Variants in METTL23 observed in about 807,000 individuals in gnomAD.
METTL23 encodes histone-arginine methyltransferase METTL23.
METTL23 carries 24 observed loss-of-function variants against 21.2 expected under a neutral mutation model. The ratio of observed to expected loss-of-function variants is 1.13; its 90% CI spans 0.82 to 1.59. The LOEUF is 1.59. METTL23 is among the 40% of genes most tolerant of loss of function. The pLI is 0.00. For missense variants in METTL23, 276 were observed against 221.4 expected, an observed-to-expected ratio of 1.25 and a Z score of -1.57; for synonymous variants, 97 against 75.2, an observed-to-expected ratio of 1.29 and a Z score of -1.50.
upstream of METTL23, among the ~76,000 whole-genome samples, chr17:76,726,109 G>A (rs910349337): frequency 4.6e-5 from 7 of 152,226 alleles, no homozygotes; most frequent in Admixed American, 2.0e-4. Flanking sequence ...TTCTAGTTGA[G>A]AGCGCCACAG....
intron 2 of METTL23, 29 bp downstream of exon 2, chr17:76,729,823 T>G (rs752127896): frequency 1.8e-5 from 27 of 1,516,504 alleles, no homozygotes; most frequent in Non-Finnish European, 2.3e-5. Flanking sequence ...TTTCCAGAGT[T>G]CTAGGTTATG....
intron 2 of METTL23, among the ~76,000 whole-genome samples, chr17:76,730,009 C>T (rs932220720): frequency 1.3e-5 from 2 of 151,970 alleles, no homozygotes; most frequent in Admixed American, 6.6e-5. Flanking sequence ...AGTGGTTTTT[C>T]GGCTGGGCAT....
chr17:76,727,779 G>T (rs915637236), intron 1 of METTL23, among the ~76,000 whole-genome samples: 4 of 152,162 alleles, frequency 2.6e-5, no homozygotes, highest in Non-Finnish European at 1.5e-5. Context: ...CGCCCAGGCT[G>T]GAGCGCAGTG....
Position 76,733,229 on chromosome 17 carries a change from G to A in METTL23, c.322+14G>A, listed in dbSNP as rs371069716. On this transcript the variant is annotated intron_variant, in intron 3 of 4. Transcript: ENST00000341249. ...TTGAACCAGAAGGTAAGCTTTTTTGGCTCAATAGTACATTTGGCCAGTGAT... is the reference window on the plus strand; with the variant it reads ...TTGAACCAGAAGGTAAGCTTTTTTGACTCAATAGTACATTTGGCCAGTGAT... The A allele has an allele frequency of 1.3e-4, 214 of 1,612,944 alleles. No individual in the cohort carries two copies. In the African/African-American group the frequency reaches 2.7e-3, roughly 20 times the overall value.
intron 2 of METTL23, among the ~76,000 whole-genome samples, chr17:76,730,181 A>G (rs2077141662): frequency 6.6e-6 from 1 of 151,512 alleles, no homozygotes; most frequent in Admixed American, 6.6e-5. Context: ...AATCCCAGCT[A>G]CTCGGGAGGC....
intron 2 of METTL23, 30 bp from the exon 3 acceptor site, chr17:76,732,948 T>G: frequency 1.3e-6 from 2 of 1,521,768 alleles, no homozygotes; most frequent in Non-Finnish European, 1.8e-6. Context: ...CAAGTATAAT[T>G]GTGAAATGCC....
chr17:76,727,340 T>C (rs140223834), intron 1 of METTL23, 162 bp downstream of exon 1: 9,413 of 333,472 alleles, frequency 0.028, 205 homozygotes, highest in Non-Finnish European at 0.04. Context: ...AGCCCTTCGG[T>C]GCATTAAATG....
Position 76,733,091 on chromosome 17 carries a change from C to T in METTL23, c.198C>T (p.Cys66=). The change falls in exon 3 of 5, where the codon TGC becomes TGT. Residue 66 remains cysteine, a synonymous_variant. Transcript: ENST00000341249. ...PHCLEVCRQS[C]QMNNLPHLQV... The stretch of plus-strand genomic sequence containing the variant: ...GTCTGGAAGTCTGTCGGCAAAGCTG[C>T]CAAATGAATAACCTGCCACATCTGC... The T allele has an allele frequency of 6.2e-7, 1 of 1,612,300 alleles. No homozygotes were observed.
intron 1 of METTL23, among the ~76,000 whole-genome samples, chr17:76,728,562 C>G (rs541729456): frequency 2.0e-5 from 3 of 152,192 alleles, no homozygotes; most frequent in Non-Finnish European, 2.9e-5. Flanking sequence ...AGGCGCCCAC[C>G]ACCATGCCTG....
upstream of METTL23, chr17:76,726,243 G>A (rs2076929195): frequency 7.1e-7 from 1 of 1,399,064 alleles, no homozygotes. Context: ...GCCTCTACGA[G>A]GTCCCGGGCG....
At chr17:76,726,371 G>A (rs372892599), upstream of METTL23, 144 of 1,597,886 alleles carry the variant, frequency 9.0e-5, no homozygotes, top group Non-Finnish European at 1.1e-4. Flanking sequence ...GGCTCAGCGA[G>A]AAGCTCTCGT....
Position 76,732,852 on chromosome 17 carries a change from C to A in METTL23, c.85-126C>A. 5 of 762,988 alleles carry A rather than the reference C, an allele frequency of 6.6e-6. No individual in the cohort carries two copies. In the South Asian group the frequency reaches 8.8e-5, roughly 13 times the overall value. The allele number at this position is 762,988 out of a possible 1,614,324, so 47.3% of individuals were successfully genotyped here. ...ATGTTCAGTTACGGTACATTTTATA[C>A]AAACCCAGAAAGACTGACTCTATGC... On this transcript the variant is annotated intron_variant, in intron 2 of 4. Coordinates refer to ENST00000341249, the MANE Select transcript of METTL23 (RefSeq NM_001080510.5).
chr17:76,726,407 C>G, upstream of METTL23: 1 of 1,605,672 alleles, frequency 6.2e-7, no homozygotes, highest in Non-Finnish European at 8.5e-7. Flanking sequence ...TCCAATCCAG[C>G]GAGTCCTTGA....
chr17:76,733,641 T>C lies in METTL23; in HGVS notation c.528T>C (p.His176=), dbSNP rs2077345263. 1.2e-6 allele frequency: 2 copies of C among 1,613,704 alleles called. No homozygotes were observed. The highest frequency in any genetic ancestry group is 1.3e-5 in the African/African-American group (1 of 74,904). ...DIAESTLPGR[H]TVEMLVISFA... ...CAGAATCTACCCTTCCAGGAAGACA[T>C]ACAGTTGAAATGCTGGTCATTTCCT... Residue 176 remains histidine (H), a synonymous_variant, in exon 5 of 5, where the codon CAT becomes CAC. Coordinates refer to ENST00000341249, the MANE Select transcript of METTL23 (RefSeq NM_001080510.5).
At position 76,733,197 on chromosome 17, in the gene METTL23, G is replaced by A. The variant is rs767730875; in HGVS notation, c.304G>A (p.Val102Met). The change falls in exon 3 of 5, where the codon GTG (valine) becomes ATG (methionine). Residue 102 changes from valine to methionine, a missense_variant. Val to Met is a conservative substitution (Grantham distance 21). Coordinates refer to ENST00000341249, the MANE Select transcript of METTL23 (RefSeq NM_001080510.5). The stretch of plus-strand genomic sequence containing the variant: ...ACAAGATATTATCCTTGCATCTGAT[G>A]TGTTCTTTGAACCAGAAGGTAAGCT... ...PPQDIILASD[V>M]FFEPEDFEDI... The A allele has an allele frequency of 1.9e-6, 3 of 1,613,610 alleles. No individual in the cohort carries two copies. The highest frequency in any genetic ancestry group is 1.3e-5 in the African/African-American group (1 of 74,922).
rs371803649 is a variant in METTL23, at chr17:76,733,402, T to G, written c.407+25T>G. On this transcript the variant is annotated intron_variant, in intron 4 of 4. Transcript: ENST00000341249. The stretch of plus-strand genomic sequence containing the variant: ...GGCAAGTATGGATGACCCTTACTTT[T>G]TATATGTAACTTAAGCCTTACTCTA... 9.3e-6 allele frequency: 15 copies of G among 1,610,178 alleles called. No individual in the cohort carries two copies. The African/African-American group carries it at 1.9e-4, about 20-fold the overall frequency.
At chr17:76,733,495 T>C (rs765576692) in intron 4 of METTL23, 26 bp from the exon 5 acceptor site, 6 of 1,601,804 alleles carry the variant, frequency 3.7e-6, no homozygotes, top group Non-Finnish European at 5.1e-6. Flanking sequence ...GGCATGACTT[T>C]AAAAGAACAA....
At chr17:76,726,136 G>C (rs377686211), upstream of METTL23, among the ~76,000 whole-genome samples, 9 of 152,372 alleles carry the variant, frequency 5.9e-5, no homozygotes, top group East Asian at 9.6e-4. Flanking sequence ...GACTCCCGTC[G>C]TCCGCCAGAG....
chr17:76,733,555 T>C lies in METTL23; in HGVS notation c.442T>C (p.Trp148Arg). ...DWSLEALLYKWDMKCVHIPLE... is the reference protein window; with the variant it reads ...DWSLEALLYKRDMKCVHIPLE... ...GTCACTTGAAGCTTTACTCTACAAA[T>C]GGGATATGAAATGTGTCCACATTCC... Residue 148 changes from tryptophan to arginine, a missense_variant, in exon 5 of 5, where the codon TGG becomes CGG. Physicochemically the swap from Trp to Arg is moderately radical, Grantham distance 101. Coordinates refer to ENST00000341249, the MANE Select transcript of METTL23 (RefSeq NM_001080510.5). 6.2e-7 allele frequency: 1 copy of C among 1,613,708 alleles called. No homozygotes were observed.
Sources: allele counts gnomAD v4.1 joint callset (sites outside exome capture counted in the v4.1 genomes callset), GRCh38; gene constraint gnomAD v4.1.1; transcripts MANE v1.5; gene names NCBI Gene and HGNC (gene_info 2026-07-23, HGNC 2026-07-21).